KCNK12: variants seen among roughly 807,000 people sequenced by gnomAD.
KCNK12 encodes potassium channel subfamily K member 12.
KCNK12 carries 6 observed loss-of-function variants against 25.3 expected under a neutral mutation model. That is an observed-to-expected ratio of 0.24 (90% CI 0.13 to 0.47). The LOEUF (loss-of-function observed/expected upper bound fraction) is 0.47. Among genes scored for constraint, KCNK12 ranks in the 20% least tolerant of loss-of-function variants. KCNK12 has a pLI of 0.99. For missense variants in KCNK12, 444 were observed against 661.7 expected, an observed-to-expected ratio of 0.67 and a Z score of 3.61; for synonymous variants, 331 against 311.1, an observed-to-expected ratio of 1.06 and a Z score of -0.67.
chr2:47,570,276 C>T lies in KCNK12; in HGVS notation c.56G>A (p.Arg19His), dbSNP rs1669864350. ...GCAGCAGCAGCAGCAGCAGGAGGGG[C>T]GCGGCAGGCGGCGGCGGCTACGGCG... is the stretch of plus-strand genomic sequence containing the variant. The part of the protein sequence containing the change: ...PPRRSRRRLP[R>H]PSCCCCCCRR... The change falls in exon 1 of 2, where the codon CGC becomes CAC. Residue 19 changes from arginine (R) to histidine (H), a missense_variant. Physicochemically the swap from Arg to His is conservative, Grantham distance 29. Around this residue, in one of 8 missense-constraint regions of KCNK12, gnomAD observed 67 missense variants for 59.2 expected, o/e 1.13. Coordinates refer to ENST00000327876, the MANE Select transcript of KCNK12 (RefSeq NM_022055.2). 1.4e-6 allele frequency: 2 copies of T among 1,401,818 alleles called. No homozygotes were observed. The highest frequency in any genetic ancestry group is 1.9e-6 in the Non-Finnish European group (2 of 1,079,486). 86.8% of individuals were successfully genotyped at this position (1,401,818 alleles called of 1,614,324 possible).
intron 1 of KCNK12, among the ~76,000 whole-genome samples, chr2:47,554,173 G>C (rs1299048481): frequency 6.6e-6 from 1 of 152,180 alleles, no homozygotes; most frequent in Non-Finnish European, 1.5e-5. Context: ...TACTGTGCTA[G>C]GCAATGGGAA....
In KCNK12 at chr2:47,540,658, G is replaced by A. The variant is rs1435709709; in HGVS notation, c.392-18850C>T. On this transcript the variant is annotated intron_variant, in intron 1 of 1. Transcript: ENST00000327876. The surrounding 1 kb of genome is among the most constrained non-coding windows in gnomAD (Gnocchi z 5.4). ...AAGATCTGTTAGGCTAGGCACGGTG[G>A]CTTATGCCTGTCATGCCAGCACTTT... Among the ~76,000 whole-genome samples the A allele has an allele frequency of 6.6e-6, 1 of 152,216 alleles. No homozygotes were observed. The highest frequency in any genetic ancestry group is 2.4e-5 in the African/African-American group (1 of 41,458).
In KCNK12 at chr2:47,565,670, A is replaced by G. The variant is rs1367557170; in HGVS notation, c.391+4271T>C. The G allele has an allele frequency of 6.6e-6, 1 of 152,266 alleles. No homozygotes were observed. The highest frequency in any genetic ancestry group is 6.5e-5 in the Admixed American group (1 of 15,290). 9.4% of individuals were successfully genotyped at this position (152,266 alleles called of 1,614,324 possible). A position where few individuals can be genotyped will look rare whatever the true frequency, so the allele number is the denominator to read the frequency against. On this transcript the variant is annotated intron_variant, in intron 1 of 1. Coordinates refer to ENST00000327876, the MANE Select transcript of KCNK12 (RefSeq NM_022055.2). The surrounding 1 kb of genome is among the most constrained non-coding windows in gnomAD (Gnocchi z 5.0). ...ACAGCAGATGCATAATTAAAACCCC[A>G]GTGGAGAGTTTCCATTTAATCTTTT...
At position 47,540,975 on chromosome 2, in the gene KCNK12, C is replaced by A. The variant is rs1240130295; in HGVS notation, c.392-19167G>T. ...CATAAATCAGTAAGATCCATCTGTG[C>A]AATTCCTTCCTCCTAGAATTCAGAA... On this transcript the variant is annotated intron_variant, in intron 1 of 1. Coordinates refer to ENST00000327876, the MANE Select transcript of KCNK12 (RefSeq NM_022055.2). This position sits in a 1 kb window ranked among gnomAD's most constrained non-coding sequence, Gnocchi z 5.4. Among the ~76,000 whole-genome samples, 1 of 152,152 alleles carries A rather than the reference C, an allele frequency of 6.6e-6. No homozygotes were observed. The highest frequency in any genetic ancestry group is 2.4e-5 in the African/African-American group (1 of 41,436).
At chr2:47,541,373 T>C (rs1040177314) in intron 1 of KCNK12, among the ~76,000 whole-genome samples, 1 of 152,216 alleles carries the variant, frequency 6.6e-6, no homozygotes, top group African/African-American at 2.4e-5. Context: ...TCACCAGCAA[T>C]AGCAATTTCT....
intron 1 of KCNK12, among the ~76,000 whole-genome samples, chr2:47,539,715 G>C (rs1206924913): frequency 6.6e-6 from 1 of 152,208 alleles, no homozygotes; most frequent in Non-Finnish European, 1.5e-5. Flanking sequence ...ACCGCTGTGC[G>C]GACGCCAGAC....
intron 1 of KCNK12, among the ~76,000 whole-genome samples, chr2:47,536,245 C>A (rs1669064884): frequency 6.6e-6 from 1 of 152,230 alleles, no homozygotes; most frequent in Non-Finnish European, 1.5e-5. Flanking sequence ...TCGCCATCAT[C>A]TGACAGCACT....
At position 47,556,481 on chromosome 2, in the gene KCNK12, T is replaced by C. The variant is rs895721802; in HGVS notation, c.391+13460A>G. Among the ~76,000 whole-genome samples, 3 of 152,138 alleles carry C rather than the reference T, an allele frequency of 2.0e-5. No individual in the cohort carries two copies. Among genetic ancestry groups the C allele is most frequent in the African/African-American group, 7.2e-5 (3 of 41,430 alleles). Reference sequence around the variant, plus strand: ...GATAAGTGGTGGACACAGTAGGAAGTACAGTGGGATGTGGGGGGTGCTGCC... The same window carrying C: ...GATAAGTGGTGGACACAGTAGGAAGCACAGTGGGATGTGGGGGGTGCTGCC... On this transcript the variant is annotated intron_variant, in intron 1 of 1. Coordinates refer to ENST00000327876, the MANE Select transcript of KCNK12 (RefSeq NM_022055.2). This position sits in a 1 kb window ranked among gnomAD's most constrained non-coding sequence, Gnocchi z 4.8.
rs535169285 is a variant in KCNK12, at chr2:47,513,014, T to A, written c.*7893A>T. On this transcript the variant is annotated 3_prime_UTR_variant, in exon 2 of 2. Coordinates refer to ENST00000327876, the MANE Select transcript of KCNK12 (RefSeq NM_022055.2). Reference sequence around the variant, plus strand: ...CTGATTATCTTGCAGCTATATTAGGTCATGTGACAAAGTTCTGGCCAGTGG... The same window carrying A: ...CTGATTATCTTGCAGCTATATTAGGACATGTGACAAAGTTCTGGCCAGTGG... The A allele has an allele frequency of 1.4e-4, 22 of 154,116 alleles. No homozygotes were observed. The highest frequency in any genetic ancestry group is 5.1e-4 in the African/African-American group (21 of 41,552). 9.5% of individuals were successfully genotyped at this position (154,116 alleles called of 1,614,324 possible).
intron 1 of KCNK12, among the ~76,000 whole-genome samples, chr2:47,549,262 G>T (rs1669375273): frequency 6.6e-6 from 1 of 152,144 alleles, no homozygotes; most frequent in African/African-American, 2.4e-5. Flanking sequence ...CCAGAGAAAA[G>T]ACTCCTTTAG....
Position 47,569,714 on chromosome 2 carries a change from G to T in KCNK12, c.391+227C>A, listed in dbSNP as rs1260513174. Reference sequence around the variant, plus strand: ...AGCCGGCCAGTGTTGGAGCACAGGCGGCCCGGGGTGAGCGCCAGAGGTGGG... The same window carrying T: ...AGCCGGCCAGTGTTGGAGCACAGGCTGCCCGGGGTGAGCGCCAGAGGTGGG... On this transcript the variant is annotated intron_variant, in intron 1 of 1. Transcript: ENST00000327876. The surrounding 1 kb of genome is among the most constrained non-coding windows in gnomAD (Gnocchi z 4.1). Among the ~76,000 whole-genome samples, 1 of 152,194 alleles carries T rather than the reference G, an allele frequency of 6.6e-6. No homozygotes were observed. Among genetic ancestry groups the T allele is most frequent in the Non-Finnish European group, 1.5e-5 (1 of 68,034 alleles).
intron 1 of KCNK12, among the ~76,000 whole-genome samples, chr2:47,530,586 G>C (rs1478286690): frequency 1.3e-5 from 2 of 152,266 alleles, no homozygotes; most frequent in South Asian, 4.1e-4. Flanking sequence ...AGTGCTGCAC[G>C]CGTATCAATT....
intron 1 of KCNK12, among the ~76,000 whole-genome samples, chr2:47,539,084 T>G (rs2104807058): frequency 6.6e-6 from 1 of 152,332 alleles, no homozygotes; most frequent in Non-Finnish European, 1.5e-5. Flanking sequence ...GGAGCAAATT[T>G]TTTGTCTTAT....
At chr2:47,554,470 G>A (rs1451520620) in intron 1 of KCNK12, among the ~76,000 whole-genome samples, 1 of 152,304 alleles carries the variant, frequency 6.6e-6, no homozygotes, top group Non-Finnish European at 1.5e-5. Context: ...CAGCCATGCC[G>A]TGACTCACAG....
chr2:47,519,279 T>G lies in KCNK12; in HGVS notation c.*1628A>C, dbSNP rs1668592896. ...GTTTGACATTCAAGTTTGACTCTAA[T>G]GCTGGGTGCGTGAGCGCATGCGTGC... On this transcript the variant is annotated 3_prime_UTR_variant, in exon 2 of 2. Coordinates refer to ENST00000327876, the MANE Select transcript of KCNK12 (RefSeq NM_022055.2). The G allele has an allele frequency of 6.6e-6, 1 of 152,272 alleles. No individual in the cohort carries two copies. The highest frequency in any genetic ancestry group is 2.4e-5 in the African/African-American group (1 of 41,464). The allele number at this position is 152,272 out of a possible 1,614,324, so 9.4% of individuals were successfully genotyped here.
intron 1 of KCNK12, chr2:47,564,244 C>T (rs1669745454): frequency 4.3e-6 from 1 of 230,658 alleles, no homozygotes; most frequent in South Asian, 1.8e-4. Context: ...GAGGCATAGG[C>T]TCAGATACAA....
chr2:47,554,105 C>T (rs1669498738), intron 1 of KCNK12, among the ~76,000 whole-genome samples: 1 of 152,162 alleles, frequency 6.6e-6, no homozygotes. Flanking sequence ...TTATGATTCC[C>T]ATTTTATAAA....
In KCNK12 at chr2:47,514,329, T is replaced by G. The variant is rs1305013449; in HGVS notation, c.*6578A>C. Among the ~76,000 whole-genome samples, 1 of 152,210 alleles carries G rather than the reference T, an allele frequency of 6.6e-6. No individual in the cohort carries two copies. The highest frequency in any genetic ancestry group is 2.4e-5 in the African/African-American group (1 of 41,470). ...ACAGGGAGCCCTCAGCAGGCCGTAC[T>G]GCAGCGCCCTGCCCCCGTCAGCCTC... On this transcript the variant is annotated 3_prime_UTR_variant, in exon 2 of 2. Transcript: ENST00000327876. The surrounding 1 kb of genome is among the most constrained non-coding windows in gnomAD (Gnocchi z 5.0).
At chr2:47,542,061 A>G in intron 1 of KCNK12, among the ~76,000 whole-genome samples, 1 of 152,140 alleles carries the variant, frequency 6.6e-6, no homozygotes. Flanking sequence ...GGCTGTGTTT[A>G]TATTTATCCT....
Sources: gnomAD v4.1 joint callset for allele counts (sites outside exome capture counted in the v4.1 genomes callset) on GRCh38, gnomAD v4.1.1 for gene constraint, gnomAD v4.1.1 regional missense constraint, Gnocchi (gnomAD v3.1) non-coding constraint, MANE v1.5 for transcripts, NCBI Gene and HGNC (gene_info 2026-07-23, HGNC 2026-07-21) for gene names.